Variants in NOL4L observed in about 807,000 individuals in gnomAD.
NOL4L encodes the protein nucleolar protein 4-like.
In NOL4L, 7 loss-of-function variants were observed where a neutral mutation model predicts 64.5. That is an observed-to-expected ratio of 0.11 (90% CI 0.06 to 0.20). The LOEUF (loss-of-function observed/expected upper bound fraction) is 0.20. NOL4L is among the 10% of genes least tolerant of loss of function. The probability of loss-of-function intolerance (pLI) is 1.00; values close to 1 mark genes in which losing one functional copy is unlikely to be tolerated. For missense variants in NOL4L, 680 were observed against 967.1 expected (o/e 0.70, Z 3.94); for synonymous variants, 413 against 401.0 (o/e 1.03, Z -0.36).
intron 1 of NOL4L, among the ~76,000 whole-genome samples, chr20:32,568,600 G>T (rs1368749320): frequency 6.6e-6 from 1 of 152,112 alleles, no homozygotes; most frequent in African/African-American, 2.4e-5. Flanking sequence ...GCTTTCTGGG[G>T]CCCCACTATG....
intron 4 of NOL4L, among the ~76,000 whole-genome samples, chr20:32,489,079 A>C (rs1161550073): frequency 6.9e-6 from 1 of 145,064 alleles, no homozygotes; most frequent in Admixed American, 7.0e-5. Context: ...AGTTTATGAC[A>C]AGATTTTTTT....
At chr20:32,565,363 C>T (rs555280769) in intron 1 of NOL4L, among the ~76,000 whole-genome samples, 6 of 152,224 alleles carry the variant, frequency 3.9e-5, no homozygotes, top group Admixed American at 2.0e-4. Context: ...TACAACAGAC[C>T]TCCTGTCCCA....
At chr20:32,503,706 G>C (rs1009129567) in intron 4 of NOL4L, among the ~76,000 whole-genome samples, 26 of 152,200 alleles carry the variant, frequency 1.7e-4, no homozygotes, top group African/African-American at 6.0e-4. Context: ...TATGCTGAGA[G>C]CTAGAAAGAT....
intron 5 of NOL4L, among the ~76,000 whole-genome samples, chr20:32,469,053 T>C (rs1241200493): frequency 6.6e-6 from 1 of 152,142 alleles, no homozygotes; most frequent in African/African-American, 2.4e-5. Flanking sequence ...TTTCCTGCCC[T>C]GTGGAACAGC....
chr20:32,458,870 C>T lies in NOL4L; in HGVS notation c.842-2475G>A, dbSNP rs191203066. 2.8e-4 allele frequency among the ~76,000 whole-genome samples: 42 copies of T among 152,348 alleles called. No homozygotes were observed. In the East Asian group the frequency reaches 5.8e-3, roughly 21 times the overall value. ...CACCCACCTCCCAATCAGGTTTTCCCGAGAAGATGGACTTGCCCTCCGCCA... is the reference window on the plus strand; with the variant it reads ...CACCCACCTCCCAATCAGGTTTTCCTGAGAAGATGGACTTGCCCTCCGCCA... On this transcript the variant is annotated intron_variant, in intron 5 of 10. Coordinates refer to ENST00000621426, the MANE Select transcript of NOL4L (RefSeq NM_001256798.2).
intron 4 of NOL4L, among the ~76,000 whole-genome samples, chr20:32,476,061 G>A (rs1281316318): frequency 6.6e-6 from 1 of 151,984 alleles, no homozygotes; most frequent in Non-Finnish European, 1.5e-5. Flanking sequence ...CAGAGCCCAC[G>A]TGTCCTCTAG....
chr20:32,453,552 C>A lies in NOL4L; in HGVS notation c.1305+24G>T. ...CCCTGGCCTTGCCCCCATCCCACCCCACCTGTTTCCGGCCGGTGCTCACGT... is the reference window on the plus strand; with the variant it reads ...CCCTGGCCTTGCCCCCATCCCACCCAACCTGTTTCCGGCCGGTGCTCACGT... On this transcript the variant is annotated intron_variant, in intron 7 of 10. Transcript: ENST00000621426. This position sits in a 1 kb window ranked among gnomAD's most constrained non-coding sequence, Gnocchi z 5.6. The A allele has an allele frequency of 1.9e-6, 3 of 1,613,732 alleles. No homozygotes were observed. The highest frequency in any genetic ancestry group is 2.5e-6 in the Non-Finnish European group (3 of 1,179,610).
chr20:32,570,908 T>C (rs1979712172), intron 1 of NOL4L, among the ~76,000 whole-genome samples: 1 of 152,188 alleles, frequency 6.6e-6, no homozygotes, highest in Non-Finnish European at 1.5e-5. Flanking sequence ...CAATGCTCAC[T>C]ACAGCCTCCA....
At chr20:32,456,524 T>C in intron 5 of NOL4L, 129 bp from the exon 6 acceptor site, 1 of 937,458 alleles carries the variant, frequency 1.1e-6, no homozygotes, top group Non-Finnish European at 1.4e-6. Context: ...CTACCCCACC[T>C]CAGAGGCAAT....
chr20:32,492,154 G>A (rs1011277830), intron 4 of NOL4L, among the ~76,000 whole-genome samples: 2 of 147,548 alleles, frequency 1.4e-5, no homozygotes, highest in Admixed American at 6.8e-5. Flanking sequence ...CTGGTAGGCT[G>A]GTCATAGCAG....
intron 3 of NOL4L, chr20:32,519,556 C>T (rs969828470): frequency 2.0e-5 from 3 of 152,216 alleles, no homozygotes; most frequent in African/African-American, 7.2e-5. Flanking sequence ...GATAAATCGC[C>T]CACCTGGGCA....
intron 1 of NOL4L, among the ~76,000 whole-genome samples, chr20:32,578,138 A>AGGAGGGAGGGAGGGAGGGAG (rs1203991256): frequency 4.0e-5 from 2 of 50,228 alleles, no homozygotes; most frequent in Non-Finnish European, 6.6e-5. Flanking sequence ...GAAGGAAGGA[A>AGGAGGGAGGGAGGGAGGGAG]GGAGGGAGGG....
chr20:32,573,451 A>T (rs1979893856), intron 1 of NOL4L, among the ~76,000 whole-genome samples: 1 of 152,094 alleles, frequency 6.6e-6, no homozygotes, highest in Non-Finnish European at 1.5e-5. Flanking sequence ...ACTCGGTGGC[A>T]CTGCTTCACC....
At chr20:32,528,011 T>C in intron 1 of NOL4L, 98 bp from the exon 2 acceptor site, 5 of 500,266 alleles carry the variant, frequency 1.0e-5, no homozygotes, top group Non-Finnish European at 1.6e-5. Flanking sequence ...GGGCAATGCC[T>C]CCGACAGTGG....
At chr20:32,536,375 G>A (rs1160295470) in intron 1 of NOL4L, 17 of 931,970 alleles carry the variant, frequency 1.8e-5, no homozygotes, top group Non-Finnish European at 2.0e-5. Flanking sequence ...CAGGGCCGGG[G>A]GAAGAGGTGG....
At chr20:32,539,912 C>A (rs536964582) in intron 1 of NOL4L, among the ~76,000 whole-genome samples, 1 of 152,284 alleles carries the variant, frequency 6.6e-6, no homozygotes, top group South Asian at 2.1e-4. Context: ...TCTGTTTAAC[C>A]CCAGATAACT....
rs1397736487 is a variant in NOL4L, at chr20:32,443,145, T to C, written c.*4451A>G. The C allele has an allele frequency of 2.0e-5, 3 of 152,238 alleles. No individual in the cohort carries two copies. Among genetic ancestry groups the C allele is most frequent in the East Asian group, 1.9e-4 (1 of 5,198 alleles). The allele number at this position is 152,238 out of a possible 1,614,324, so 9.4% of individuals were successfully genotyped here. ...AAAGGAAAAGGATTCCACATACTTA[T>C]GAAATCAGTGCATTTAGCAAGTAAT... On this transcript the variant is annotated 3_prime_UTR_variant, in exon 11 of 11. Transcript: ENST00000621426.
chr20:32,466,757 G>T (rs920054777), intron 5 of NOL4L, among the ~76,000 whole-genome samples: 3 of 152,220 alleles, frequency 2.0e-5, no homozygotes, highest in Non-Finnish European at 2.9e-5. Flanking sequence ...TAATGAGCAG[G>T]TGTTGGGGAG....
intron 4 of NOL4L, chr20:32,486,816 A>C (rs1240707627): frequency 4.3e-6 from 2 of 470,010 alleles, no homozygotes; most frequent in South Asian, 1.6e-5. Context: ...AAGACACAGC[A>C]TCACTTGAGC....
Sources: allele counts gnomAD v4.1 joint callset (sites outside exome capture counted in the v4.1 genomes callset), GRCh38; gene constraint gnomAD v4.1.1; non-coding constraint Gnocchi (gnomAD v3.1); transcripts MANE v1.5; gene names NCBI Gene and HGNC (gene_info 2026-07-23, HGNC 2026-07-21).